Variants in CUX2 observed in about 807,000 individuals in gnomAD.
The protein encoded by CUX2 is homeobox protein cut-like 2.
A neutral mutation model predicts 144.8 loss-of-function variants in CUX2; 40 were observed. The ratio of observed to expected loss-of-function variants is 0.28; its 90% CI spans 0.21 to 0.36. The LOEUF (loss-of-function observed/expected upper bound fraction) is 0.36. Ranked by LOEUF, CUX2 falls within the 10% of genes least tolerant of loss-of-function variation. The pLI is 1.00. For synonymous variants in CUX2, 827 were observed against 875.6 expected (o/e 0.94, Z 0.98); for missense variants, 1,615 against 1,994.0 (o/e 0.81, Z 3.62).
At chr12:111,076,173 C>A (rs548883643) in intron 1 of CUX2, among the ~76,000 whole-genome samples, 1 of 152,194 alleles carries the variant, frequency 6.6e-6, no homozygotes, top group Non-Finnish European at 1.5e-5. Context: ...GGCAAGTCAG[C>A]ATCATCATTT....
At chr12:111,280,535 CA>C (rs1278772565) in intron 4 of CUX2, among the ~76,000 whole-genome samples, 1 of 152,200 alleles carries the variant, frequency 6.6e-6, no homozygotes, top group African/African-American at 2.4e-5. Flanking sequence ...CCCATTACCA[CA>C]AACTGGGTGG....
chr12:111,109,416 T>C (rs1873804493), intron 1 of CUX2, among the ~76,000 whole-genome samples: 1 of 152,160 alleles, frequency 6.6e-6, no homozygotes. Flanking sequence ...AACAGAAGTG[T>C]CTTAATCCAT....
chr12:111,312,781 G>C lies in CUX2; in HGVS notation c.2002+580G>C, dbSNP rs1179590565. On this transcript the variant is annotated intron_variant, in intron 16 of 21. Transcript: ENST00000261726. The surrounding 1 kb of genome is among the most constrained non-coding windows in gnomAD (Gnocchi z 4.3). ...TCAGGCCCCTCCATGCCTGTCACAT[G>C]AACTGTTCATAGTCATGCCCAGCTG... Among the ~76,000 whole-genome samples, 2 of 151,916 alleles carry C rather than the reference G, an allele frequency of 1.3e-5. No individual in the cohort carries two copies.
At chr12:111,055,686 C>A (rs1008720953) in intron 1 of CUX2, among the ~76,000 whole-genome samples, 1 of 152,222 alleles carries the variant, frequency 6.6e-6, no homozygotes, top group African/African-American at 2.4e-5. Flanking sequence ...CCCCCAGCCC[C>A]CGGAGCTTGC....
intron 15 of CUX2, among the ~76,000 whole-genome samples, chr12:111,311,093 T>C (rs1886874444): frequency 6.6e-6 from 1 of 152,246 alleles, no homozygotes; most frequent in Non-Finnish European, 1.5e-5. Context: ...TGCCTGAGTT[T>C]GAGTCCCAGC....
At chr12:111,236,220 G>A (rs1198803055) in intron 3 of CUX2, among the ~76,000 whole-genome samples, 1 of 152,110 alleles carries the variant, frequency 6.6e-6, no homozygotes, top group African/African-American at 2.4e-5. Context: ...CCAAACACTG[G>A]GCTAAGAAAG....
Position 111,320,440 on chromosome 12 carries a change from T to G in CUX2, c.2431T>G (p.Ser811Ala), listed in dbSNP as rs1214562688. 13 of 1,596,074 alleles carry G rather than the reference T, an allele frequency of 8.1e-6. No individual in the cohort carries two copies. The highest frequency in any genetic ancestry group is 1.1e-5 in the Non-Finnish European group (13 of 1,177,926). The part of the protein sequence containing the change: ...ASVSPSLSSS[S>A]SSGYSGQPNG... Reference sequence around the variant, plus strand: ...CGTGTCGCCCTCGCTGTCCTCCTCCTCCTCCTCTGGCTACTCTGGCCAGCC... The same window carrying G: ...CGTGTCGCCCTCGCTGTCCTCCTCCGCCTCCTCTGGCTACTCTGGCCAGCC... Residue 811 changes from serine to alanine, a missense_variant, in exon 17 of 22, where the codon TCC becomes GCC. This residue lies in a region of CUX2 where 390 missense variants were observed against 387.1 expected (regional missense o/e 1.01). Transcript: ENST00000261726. This position sits in a 1 kb window ranked among gnomAD's most constrained non-coding sequence, Gnocchi z 8.1.
At chr12:111,048,686 G>A (rs1011996500) in intron 1 of CUX2, among the ~76,000 whole-genome samples, 2 of 152,128 alleles carry the variant, frequency 1.3e-5, no homozygotes, top group African/African-American at 4.8e-5. Flanking sequence ...TGTTAGGAAA[G>A]GCCATAAAAA....
At chr12:111,215,954 T>C (rs1369592615) in intron 2 of CUX2, among the ~76,000 whole-genome samples, 15 of 152,232 alleles carry the variant, frequency 9.9e-5, no homozygotes, top group Non-Finnish European at 5.9e-5. Context: ...TTTCCATTCC[T>C]ATTATAGTCG....
rs1366727986 is a variant in CUX2, at chr12:111,171,707, C to A, written c.64-42493C>A. Among the ~76,000 whole-genome samples the A allele has an allele frequency of 6.6e-6, 1 of 152,216 alleles. No homozygotes were observed. Among genetic ancestry groups the A allele is most frequent in the Non-Finnish European group, 1.5e-5 (1 of 68,032 alleles). On this transcript the variant is annotated intron_variant, in intron 1 of 21. Coordinates refer to ENST00000261726, the MANE Select transcript of CUX2 (RefSeq NM_015267.4). This position sits in a 1 kb window ranked among gnomAD's most constrained non-coding sequence, Gnocchi z 5.0. ...GCCATAATTAGGGGCTCAGTGTCAC[C>A]TTTGTCCAGTGCCTGAGCTGAGAAC...
At chr12:111,109,178 T>A (rs1449216213) in intron 1 of CUX2, among the ~76,000 whole-genome samples, 1 of 152,226 alleles carries the variant, frequency 6.6e-6, no homozygotes, top group Non-Finnish European at 1.5e-5. Context: ...GTTCTTCCTG[T>A]CCCTCTTTCT....
At chr12:111,237,699 C>G (rs1245936438) in intron 3 of CUX2, among the ~76,000 whole-genome samples, 2 of 152,220 alleles carry the variant, frequency 1.3e-5, no homozygotes, top group African/African-American at 4.8e-5. Context: ...CGGCCACCAC[C>G]TCCAAGACCA....
At chr12:111,283,304 A>G (rs372379133) in intron 4 of CUX2, among the ~76,000 whole-genome samples, 32 of 152,084 alleles carry the variant, frequency 2.1e-4, no homozygotes, top group African/African-American at 7.2e-4. Context: ...ACAGGGTCAC[A>G]GTTCAGTCCA....
chr12:111,136,111 G>A lies in CUX2; in HGVS notation c.64-78089G>A, dbSNP rs375365457. ...GAGGGGTGAGGTCATTGACTCCGAC[G>A]GCCACATGGGGAATAGGCCTAAGGG... On this transcript the variant is annotated intron_variant, in intron 1 of 21. Coordinates refer to ENST00000261726, the MANE Select transcript of CUX2 (RefSeq NM_015267.4). 2.2e-3 allele frequency among the ~76,000 whole-genome samples: 329 copies of A among 151,952 alleles called. 12 individuals are homozygous for A. In the South Asian group the frequency reaches 0.062, roughly 29 times the overall value.
chr12:111,347,365 C>T (rs1007248558), intron 21 of CUX2, among the ~76,000 whole-genome samples, 159 bp from the exon 22 acceptor site: 4 of 152,156 alleles, frequency 2.6e-5, no homozygotes, highest in Non-Finnish European at 5.9e-5. Context: ...CACCTTGTGG[C>T]GTTGTTGAGA....
In CUX2 at chr12:111,322,057, C is replaced by G; in HGVS notation, c.2767-364C>G. On this transcript the variant is annotated intron_variant, in intron 17 of 21. Transcript: ENST00000261726. This position sits in a 1 kb window ranked among gnomAD's most constrained non-coding sequence, Gnocchi z 4.2. ...GGGAGGCTGGGCATGGTGGCTCACACCTATAATCCCAACACTGTGGGAGGC... is the reference window on the plus strand; with the variant it reads ...GGGAGGCTGGGCATGGTGGCTCACAGCTATAATCCCAACACTGTGGGAGGC... Among the ~76,000 whole-genome samples, 1 of 151,934 alleles carries G rather than the reference C, an allele frequency of 6.6e-6. No homozygotes were observed. Among genetic ancestry groups the G allele is most frequent in the Admixed American group, 6.6e-5 (1 of 15,226 alleles).
chr12:111,204,555 C>G (rs1880799057), intron 1 of CUX2, among the ~76,000 whole-genome samples: 1 of 152,134 alleles, frequency 6.6e-6, no homozygotes, highest in Non-Finnish European at 1.5e-5. Context: ...GGAAACAACC[C>G]AGAGGAAAAT....
rs185576352 is a variant in CUX2 at position 111,070,425 on chromosome 12, C to T, written c.63+36185C>T. 1.4e-3 allele frequency among the ~76,000 whole-genome samples: 166 copies of T among 122,302 alleles called. 3 individuals carry two copies. The highest frequency in any genetic ancestry group is 6.7e-3 in the African/African-American group (156 of 23,192). The allele number at this position is 122,302 out of a possible 152,430, so 80.2% of individuals were successfully genotyped here. On this transcript the variant is annotated intron_variant, in intron 1 of 21. Coordinates refer to ENST00000261726, the MANE Select transcript of CUX2 (RefSeq NM_015267.4). Reference sequence around the variant, plus strand: ...CCTTCCTTCCTTCCTTCCTTCCTTCCTTCCTTCCTTCCTTCCTTCCTTCCT... The same window carrying T: ...CCTTCCTTCCTTCCTTCCTTCCTTCTTTCCTTCCTTCCTTCCTTCCTTCCT...
At chr12:111,211,324 C>T (rs1881214998) in intron 1 of CUX2, among the ~76,000 whole-genome samples, 1 of 152,128 alleles carries the variant, frequency 6.6e-6, no homozygotes, top group Non-Finnish European at 1.5e-5. Flanking sequence ...ATCCCCCTGC[C>T]TTCCCTGGCT....
Sources: gnomAD v4.1 joint callset for allele counts (sites outside exome capture counted in the v4.1 genomes callset) on GRCh38, gnomAD v4.1.1 for gene constraint, gnomAD v4.1.1 regional missense constraint, Gnocchi (gnomAD v3.1) non-coding constraint, MANE v1.5 for transcripts, NCBI Gene and HGNC (gene_info 2026-07-23, HGNC 2026-07-21) for gene names.